The following ARNT2 variants were observed in gnomAD, a reference collection of about 807,000 sequenced individuals.
ARNT2 encodes aryl hydrocarbon receptor nuclear translocator 2.
ARNT2 carries 36 observed loss-of-function variants against 91.7 expected under a neutral mutation model. That is an observed-to-expected ratio of 0.39 (90% CI 0.30 to 0.52). The LOEUF (loss-of-function observed/expected upper bound fraction) is 0.52, where lower values mean the gene tolerates loss of function less well. Ranked by LOEUF, ARNT2 falls within the 20% of genes least tolerant of loss-of-function variation. The probability of loss-of-function intolerance (pLI) is 0.72; values close to 1 mark genes in which losing one functional copy is unlikely to be tolerated. For missense variants in ARNT2, 775 were observed against 939.3 expected (o/e 0.83, Z 2.29); for synonymous variants, 365 against 347.1 (o/e 1.05, Z -0.57).
chr15:80,586,137 G>A (rs575272259), intron 17 of ARNT2, among the ~76,000 whole-genome samples: 2 of 152,190 alleles, frequency 1.3e-5, no homozygotes, highest in Admixed American at 1.3e-4. Flanking sequence ...TTGGAGAAAT[G>A]CAGGGAGCCA....
chr15:80,526,727 C>T (rs148257198), intron 8 of ARNT2, among the ~76,000 whole-genome samples: 388 of 152,338 alleles, frequency 2.5e-3, no homozygotes, highest in African/African-American at 8.8e-3. Flanking sequence ...TTGGCCACAG[C>T]ATGCCAGAGG....
At chr15:80,554,157 C>G (rs552707614) in intron 10 of ARNT2, among the ~76,000 whole-genome samples, 14 of 152,346 alleles carry the variant, frequency 9.2e-5, no homozygotes, top group African/African-American at 3.1e-4. Flanking sequence ...GCCTGTAATT[C>G]TAGCACTTTG....
intron 2 of ARNT2, among the ~76,000 whole-genome samples, chr15:80,451,737 C>T (rs1896395535): frequency 6.6e-6 from 1 of 151,972 alleles, no homozygotes. Context: ...AACCAACCAA[C>T]CAATCAACCA....
intron 8 of ARNT2, among the ~76,000 whole-genome samples, chr15:80,518,933 G>A (rs139704195): frequency 1.3e-5 from 2 of 152,144 alleles, no homozygotes; most frequent in Non-Finnish European, 2.9e-5. Flanking sequence ...GATTGGGGGG[G>A]TGATTTTTCT....
chr15:80,531,584 T>C (rs1403463527), intron 8 of ARNT2, among the ~76,000 whole-genome samples: 2 of 152,260 alleles, frequency 1.3e-5, no homozygotes, highest in Non-Finnish European at 2.9e-5. Context: ...GCCTTGGCCA[T>C]GTGCCCCTCC....
chr15:80,489,054 C>T (rs931248372), intron 5 of ARNT2, among the ~76,000 whole-genome samples: 2 of 152,148 alleles, frequency 1.3e-5, no homozygotes, highest in Admixed American at 6.5e-5. Flanking sequence ...TTTGAAAAGA[C>T]GAATTGAATC....
chr15:80,532,380 C>T (rs912573843), intron 8 of ARNT2, among the ~76,000 whole-genome samples: 2 of 152,150 alleles, frequency 1.3e-5, no homozygotes, highest in Non-Finnish European at 1.5e-5. Flanking sequence ...AAGGATCCTT[C>T]CTGGAGGCAG....
intron 3 of ARNT2, among the ~76,000 whole-genome samples, chr15:80,468,909 G>A (rs1202719285): frequency 6.6e-6 from 1 of 152,190 alleles, no homozygotes; most frequent in Non-Finnish European, 1.5e-5. Context: ...TGTGTTCAGA[G>A]ACCCTCAGCA....
chr15:80,464,791 A>G (rs114691304), intron 3 of ARNT2, among the ~76,000 whole-genome samples: 51 of 152,286 alleles, frequency 3.3e-4, no homozygotes, highest in African/African-American at 1.2e-3. Context: ...GCGACTGGCC[A>G]TGAAGGATGT....
chr15:80,456,668 T>C (rs1826009707), intron 2 of ARNT2, among the ~76,000 whole-genome samples: 1 of 152,178 alleles, frequency 6.6e-6, no homozygotes, highest in African/African-American at 2.4e-5. Context: ...TGGCTCGCCC[T>C]GTGTAATCTG....
At chr15:80,444,957 GTGT>G (rs1283361648) in intron 1 of ARNT2, 1 of 150,478 alleles carries the variant, frequency 6.6e-6, no homozygotes, top group Non-Finnish European at 1.5e-5. Flanking sequence ...GGTATGTGAT[GTGT>G]TGTGTGTGAA....
chr15:80,468,051 T>G (rs543898590), intron 3 of ARNT2, among the ~76,000 whole-genome samples: 82 of 152,254 alleles, frequency 5.4e-4, no homozygotes, highest in African/African-American at 1.9e-3. Flanking sequence ...TACCTCTATC[T>G]ACCCCCGAGT....
chr15:80,571,232 A>C (rs575515162), intron 12 of ARNT2, among the ~76,000 whole-genome samples: 11 of 152,176 alleles, frequency 7.2e-5, no homozygotes, highest in Non-Finnish European at 1.6e-4. Context: ...TAGCAGAGAA[A>C]GTCAAGCAGA....
At chr15:80,545,594 G>T (rs1897978187) in intron 8 of ARNT2, among the ~76,000 whole-genome samples, 1 of 152,210 alleles carries the variant, frequency 6.6e-6, no homozygotes, top group Non-Finnish European at 1.5e-5. Context: ...CCATTGATAT[G>T]CAACTGGTGA....
chr15:80,564,395 C>A (rs1300545528), intron 12 of ARNT2, among the ~76,000 whole-genome samples: 2 of 152,120 alleles, frequency 1.3e-5, no homozygotes, highest in African/African-American at 4.8e-5. Context: ...CCCATCTGGG[C>A]CCCACAAAGT....
rs544549797 is a variant in ARNT2 at position 80,432,359 on chromosome 15, G to T, written c.32-18521G>T. Among the ~76,000 whole-genome samples the T allele has an allele frequency of 2.6e-5, 4 of 152,260 alleles. No individual in the cohort carries two copies. The South Asian group carries it at 8.3e-4, about 32-fold the overall frequency. The stretch of plus-strand genomic sequence containing the variant: ...ATGGCCAATGGGCTGCATCTGCCCT[G>T]CCTCCTGTTTTTGTATGGGCCATGA... On this transcript the variant is annotated intron_variant, in intron 1 of 18. Coordinates refer to ENST00000303329, the MANE Select transcript of ARNT2 (RefSeq NM_014862.4).
intron 8 of ARNT2, among the ~76,000 whole-genome samples, chr15:80,514,967 C>T (rs55863419): frequency 0.33 from 49,711 of 152,080 alleles, 8,752 homozygotes; most frequent in Non-Finnish European, 0.38. Flanking sequence ...CAACTTGTTT[C>T]TAGGTTCTGT....
At chr15:80,537,302 C>A (rs963997269) in intron 8 of ARNT2, among the ~76,000 whole-genome samples, 1 of 152,164 alleles carries the variant, frequency 6.6e-6, no homozygotes, top group Non-Finnish European at 1.5e-5. Context: ...AACTCCTGAA[C>A]ACAGAACTTA....
intron 8 of ARNT2, among the ~76,000 whole-genome samples, chr15:80,525,709 A>G (rs1358325327): frequency 6.6e-6 from 1 of 152,236 alleles, no homozygotes; most frequent in African/African-American, 2.4e-5. Flanking sequence ...AGAGGCAATC[A>G]TCTAGCTTAG....
Sources: gnomAD v4.1 joint callset for allele counts (sites outside exome capture counted in the v4.1 genomes callset) on GRCh38, gnomAD v4.1.1 for gene constraint, MANE v1.5 for transcripts, NCBI Gene and HGNC (gene_info 2026-07-23, HGNC 2026-07-21) for gene names.